TSPAN13: variants seen among roughly 807,000 people sequenced by gnomAD.
TSPAN13 encodes the protein tetraspanin-13.
TSPAN13 carries 18 observed loss-of-function variants against 26.9 expected under a neutral mutation model. That is an observed-to-expected ratio of 0.67 (90% CI 0.46 to 0.99). The LOEUF is 0.99. Among genes scored for constraint, TSPAN13 ranks in the 50% least tolerant of loss-of-function variants. The pLI, the probability that TSPAN13 is intolerant of heterozygous loss-of-function variation, is 0.00. For missense variants in TSPAN13, 201 were observed against 249.6 expected (o/e 0.81, Z 1.31); for synonymous variants, 116 against 98.4 (o/e 1.18, Z -1.06).
intron 5 of TSPAN13, among the ~76,000 whole-genome samples, 182 bp downstream of exon 5, chr7:16,779,298 G>T (rs7794382): frequency 1.1e-4 from 17 of 152,128 alleles, no homozygotes; most frequent in African/African-American, 3.9e-4. Flanking sequence ...CTTTAGGACC[G>T]GGTGAAAGGC....
chr7:16,776,517 G>A, intron 2 of TSPAN13, 139 bp downstream of exon 2: 1 of 794,972 alleles, frequency 1.3e-6, no homozygotes, highest in Non-Finnish European at 2.0e-6. Context: ...AGAACTATTA[G>A]AAACATTTCT....
At chr7:16,776,474 C>T in intron 2 of TSPAN13, 96 bp downstream of exon 2, 3 of 1,175,316 alleles carry the variant, frequency 2.6e-6, no homozygotes, top group Admixed American at 4.6e-5. Flanking sequence ...TGCCAGAAAG[C>T]AACTCCAAGC....
intron 5 of TSPAN13, among the ~76,000 whole-genome samples, chr7:16,779,370 C>G (rs921832100): frequency 6.6e-6 from 1 of 152,116 alleles, no homozygotes; most frequent in Non-Finnish European, 1.5e-5. Context: ...ATTGAATTAT[C>G]TCTAGGGTCT....
chr7:16,772,257 T>A (rs1051987179), intron 1 of TSPAN13, among the ~76,000 whole-genome samples: 4 of 152,136 alleles, frequency 2.6e-5, no homozygotes, highest in African/African-American at 9.7e-5. Flanking sequence ...ATGGTAAAAT[T>A]CCAGGCAGGT....
chr7:16,781,678 C>G (rs1185137854), intron 5 of TSPAN13, among the ~76,000 whole-genome samples: 1 of 152,146 alleles, frequency 6.6e-6, no homozygotes, highest in African/African-American at 2.4e-5. Context: ...TTTCTTCCCC[C>G]AAGGACTGTG....
chr7:16,774,121 G>C (rs1315147345), intron 1 of TSPAN13, among the ~76,000 whole-genome samples: 1 of 152,182 alleles, frequency 6.6e-6, no homozygotes, highest in Admixed American at 6.5e-5. Flanking sequence ...AAAGATTAAG[G>C]TTTTCTGAGG....
intron 5 of TSPAN13, among the ~76,000 whole-genome samples, chr7:16,782,236 C>T (rs985368759): frequency 1.3e-5 from 2 of 152,222 alleles, no homozygotes; most frequent in East Asian, 1.9e-4. Flanking sequence ...CTTACCTTTC[C>T]TTGATTCAAC....
At chr7:16,777,218 T>A in intron 3 of TSPAN13, 96 bp downstream of exon 3, 1 of 847,762 alleles carries the variant, frequency 1.2e-6, no homozygotes, top group Non-Finnish European at 1.9e-6. Context: ...AATTTCGTCT[T>A]GCACAGAATG....
chr7:16,754,050 T>A lies in TSPAN13; in HGVS notation c.63+20T>A. On this transcript the variant is annotated intron_variant, in intron 1 of 5. Transcript: ENST00000262067. ...TACACCGTGAGTATCCCCAGTCCGT[T>A]CCTGCTCGCTTGGGGGCTTTGCACC... 6.2e-7 allele frequency: 1 copy of A among 1,612,334 alleles called. No homozygotes were observed. Among genetic ancestry groups the A allele is most frequent in the Non-Finnish European group, 8.5e-7 (1 of 1,179,066 alleles).
intron 1 of TSPAN13, among the ~76,000 whole-genome samples, chr7:16,761,606 C>A (rs1052195827): frequency 6.6e-6 from 1 of 151,930 alleles, no homozygotes; most frequent in Non-Finnish European, 1.5e-5. Context: ...CAGCCTTGAA[C>A]CCCTGGGCCC....
chr7:16,776,397 A>G lies in TSPAN13; in HGVS notation c.231+19A>G. The stretch of plus-strand genomic sequence containing the variant: ...ATTTTTTGTATCCTTTTTAAAAATC[A>G]AGATTTTACTCTTGATGACTATTTT... On this transcript the variant is annotated intron_variant, in intron 2 of 5. Coordinates refer to ENST00000262067, the MANE Select transcript of TSPAN13 (RefSeq NM_014399.4). 1 of 1,603,828 alleles carries G rather than the reference A, an allele frequency of 6.2e-7. No homozygotes were observed. Among genetic ancestry groups the G allele is most frequent in the Non-Finnish European group, 8.5e-7 (1 of 1,173,818 alleles).
In TSPAN13 at chr7:16,777,861, C is replaced by G; in HGVS notation, c.376C>G (p.Leu126Val). 13 of 1,613,902 alleles carry G rather than the reference C, an allele frequency of 8.1e-6. No individual in the cohort carries two copies. The highest frequency in any genetic ancestry group is 1.1e-5 in the Non-Finnish European group (13 of 1,179,872). The change falls in exon 4 of 6, where the codon CTA (leucine) becomes GTA (valine). Residue 126 changes from leucine (L) to valine (V), a missense_variant. By Grantham distance (32) the Leu-to-Val change is conservative. Coordinates refer to ENST00000262067, the MANE Select transcript of TSPAN13 (RefSeq NM_014399.4). The stretch of plus-strand genomic sequence containing the variant: ...TGCTCGAAATGACATCCAGAGAAAT[C>G]TAAACTGCTGTGGGTTCCGAAGTGT... ...ASARNDIQRN[L>V]NCCGFRSVNP...
chr7:16,770,336 G>A (rs1057262309), intron 1 of TSPAN13, among the ~76,000 whole-genome samples: 15 of 151,948 alleles, frequency 9.9e-5, no homozygotes, highest in Non-Finnish European at 2.1e-4. Context: ...CTCCCAAGTA[G>A]CTGGGATTAC....
At chr7:16,766,866 C>T (rs777210312) in intron 1 of TSPAN13, among the ~76,000 whole-genome samples, 17 of 152,172 alleles carry the variant, frequency 1.1e-4, no homozygotes, top group Non-Finnish European at 2.5e-4. Flanking sequence ...TTCATATGCT[C>T]AGGAAATAAT....
intron 1 of TSPAN13, among the ~76,000 whole-genome samples, chr7:16,765,222 C>G (rs1382658002): frequency 2.6e-5 from 4 of 152,082 alleles, no homozygotes; most frequent in Non-Finnish European, 5.9e-5. Context: ...GAGTCAGTCT[C>G]CCAAGTAGCT....
At chr7:16,781,727 A>C (rs986797283) in intron 5 of TSPAN13, among the ~76,000 whole-genome samples, 5 of 152,174 alleles carry the variant, frequency 3.3e-5, no homozygotes, top group African/African-American at 1.2e-4. Context: ...TGATAGTCAA[A>C]ATGTTAACAT....
intron 5 of TSPAN13, among the ~76,000 whole-genome samples, chr7:16,783,214 G>C (rs964109302): frequency 6.6e-6 from 1 of 152,062 alleles, no homozygotes; most frequent in Non-Finnish European, 1.5e-5. Flanking sequence ...CAGTCATTCA[G>C]TTTACCACAG....
At chr7:16,776,896 T>A (rs1192774530) in intron 2 of TSPAN13, 146 bp from the exon 3 acceptor site, 1 of 469,540 alleles carries the variant, frequency 2.1e-6, no homozygotes, top group Non-Finnish European at 3.8e-6. Flanking sequence ...AATATGTGTA[T>A]CCTTTTTGAA....
chr7:16,772,431 T>C (rs1184095362), intron 1 of TSPAN13, among the ~76,000 whole-genome samples: 2 of 152,286 alleles, frequency 1.3e-5, no homozygotes, highest in Non-Finnish European at 2.9e-5. Context: ...AAAATCAAGG[T>C]GTCCACAGAG....
Sources: gnomAD v4.1 joint callset for allele counts (sites outside exome capture counted in the v4.1 genomes callset) on GRCh38, gnomAD v4.1.1 for gene constraint, MANE v1.5 for transcripts, NCBI Gene and HGNC (gene_info 2026-07-23, HGNC 2026-07-21) for gene names.